Variants in C12orf42 observed in about 807,000 individuals in gnomAD.
C12orf42 encodes the protein uncharacterized protein C12orf42.
Under a neutral mutation model 21.6 loss-of-function variants are expected in C12orf42, and 25 were observed. That is an observed-to-expected ratio of 1.16 (90% confidence interval 0.84 to 1.62). The LOEUF is 1.62. Ranked by LOEUF, C12orf42 falls within the 40% of genes most tolerant of loss-of-function variation. The pLI is 0.00. For synonymous variants in C12orf42, 174 were observed against 175.0 expected (o/e 0.99, Z 0.05); for missense variants, 483 against 459.3 (o/e 1.05, Z -0.47).
intron 4 of C12orf42, among the ~76,000 whole-genome samples, chr12:103,356,993 G>A (rs1226062857): frequency 1.3e-5 from 2 of 151,882 alleles, no homozygotes; most frequent in Non-Finnish European, 2.9e-5. Context: ...CATGTCCTTT[G>A]TAGGGACATG....
At chr12:103,464,009 A>G (rs1448880361) in intron 2 of C12orf42, among the ~76,000 whole-genome samples, 1 of 152,064 alleles carries the variant, frequency 6.6e-6, no homozygotes, top group African/African-American at 2.4e-5. Flanking sequence ...TGTCTTTGCT[A>G]TTGTGAATAG....
At chr12:103,078,251 A>G in the C12orf42 span, among the ~76,000 whole-genome samples, 1 of 152,188 alleles carries the variant, frequency 6.6e-6, no homozygotes, top group East Asian at 1.9e-4. Flanking sequence ...GTTACTGCCC[A>G]TTTTCAAGAT....
intron 10 of C12orf42, among the ~76,000 whole-genome samples, chr12:103,242,902 T>G (rs539915694): frequency 6.6e-6 from 1 of 152,186 alleles, no homozygotes; most frequent in South Asian, 2.1e-4. Context: ...AAATTCCACT[T>G]AAATCCAATT....
chr12:103,153,697 C>T, the C12orf42 span, among the ~76,000 whole-genome samples: 2 of 152,086 alleles, frequency 1.3e-5, no homozygotes, highest in Non-Finnish European at 2.9e-5. Flanking sequence ...AACTCTAATA[C>T]ACTAATGGCA....
chr12:103,227,480 G>T, the C12orf42 span, among the ~76,000 whole-genome samples: 1 of 152,080 alleles, frequency 6.6e-6, no homozygotes, highest in Middle Eastern at 3.2e-3. Flanking sequence ...GAGATAAGAG[G>T]CTGGGGTGTG....
intron 4 of C12orf42, among the ~76,000 whole-genome samples, chr12:103,339,041 C>T (rs1006801174): frequency 1.3e-5 from 2 of 152,200 alleles, no homozygotes; most frequent in Admixed American, 1.3e-4. Context: ...CATGTTTCAT[C>T]ATTTTACTGA....
intron 5 of C12orf42, chr12:103,273,773 A>AGAAAGG: frequency 4.5e-6 from 2 of 445,844 alleles, no homozygotes; most frequent in Non-Finnish European, 9.1e-6. Context: ...AAAGAGAAAG[A>AGAAAGG]GAAGCACTTG....
the C12orf42 span, among the ~76,000 whole-genome samples, chr12:103,121,555 G>A: frequency 1.3e-5 from 2 of 152,244 alleles, no homozygotes; most frequent in South Asian, 4.1e-4. Context: ...ATGCAGAGAA[G>A]AGAGAGAGCT....
At chr12:103,050,942 C>T in the C12orf42 span, among the ~76,000 whole-genome samples, 7 of 152,160 alleles carry the variant, frequency 4.6e-5, no homozygotes, top group Non-Finnish European at 7.3e-5. Flanking sequence ...CCTTACGCAG[C>T]TTTCTTTCCT....
At chr12:103,336,506 C>A (rs1022666873) in intron 4 of C12orf42, among the ~76,000 whole-genome samples, 2 of 152,142 alleles carry the variant, frequency 1.3e-5, no homozygotes, top group African/African-American at 2.4e-5. Flanking sequence ...AAAAATAATT[C>A]CTATTTTGCA....
the C12orf42 span, among the ~76,000 whole-genome samples, chr12:103,113,845 T>C: frequency 8.6e-4 from 131 of 152,350 alleles, no homozygotes; most frequent in East Asian, 3.1e-3. Flanking sequence ...TTGTGAACAG[T>C]TACCTAGGAT....
the C12orf42 span, among the ~76,000 whole-genome samples, chr12:103,511,243 A>AATGCT: frequency 6.6e-6 from 1 of 152,176 alleles, no homozygotes; most frequent in Admixed American, 6.5e-5. Context: ...GTGATTAAAA[A>AATGCT]ATGCTAGTCT....
chr12:103,304,876 T>C (rs533460458), intron 5 of C12orf42, among the ~76,000 whole-genome samples: 4 of 152,312 alleles, frequency 2.6e-5, no homozygotes, highest in African/African-American at 7.2e-5. Context: ...CATTCTCTTC[T>C]AGTTCAAAGA....
At position 103,404,924 on chromosome 12, in the gene C12orf42, G is replaced by A. The variant is rs187989628; in HGVS notation, c.79-3249C>T. On this transcript the variant is annotated intron_variant, in intron 2 of 5. Transcript: ENST00000548883. ...CACACACACGCAAGTGCACACGCAC[G>A]CATTTATACACTTGAACCACCTAAT... is the stretch of plus-strand genomic sequence containing the variant. 9.1e-4 allele frequency among the ~76,000 whole-genome samples: 139 copies of A among 152,304 alleles called. 1 individual carries two copies. In the East Asian group the frequency reaches 9.6e-3, roughly 11 times the overall value.
the C12orf42 span, chr12:103,558,584 G>A: frequency 6.6e-6 from 1 of 152,134 alleles, no homozygotes; most frequent in Non-Finnish European, 1.5e-5. Flanking sequence ...TACCCCAAAT[G>A]TCATTCTCTA....
chr12:103,200,849 C>A, the C12orf42 span, among the ~76,000 whole-genome samples: 3 of 152,264 alleles, frequency 2.0e-5, no homozygotes, highest in African/African-American at 7.2e-5. Context: ...TCAAACACAT[C>A]TTTATTCATC....
At chr12:103,162,808 C>T in the C12orf42 span, 1 of 152,186 alleles carries the variant, frequency 6.6e-6, no homozygotes, top group Admixed American at 6.5e-5. Flanking sequence ...CTGAATGAAT[C>T]AGCCTGCAGG....
chr12:103,076,761 T>G, the C12orf42 span, among the ~76,000 whole-genome samples: 91 of 152,358 alleles, frequency 6.0e-4, 1 homozygote, highest in African/African-American at 2.1e-3. Context: ...CTAGATTGTT[T>G]GCTAAGTGCT....
intron 1 of C12orf42, among the ~76,000 whole-genome samples, chr12:103,495,060 G>C (rs546619876): frequency 1.9e-3 from 294 of 152,270 alleles, no homozygotes; most frequent in Non-Finnish European, 3.9e-3. Flanking sequence ...GTAGGGACAG[G>C]GTGGGGGCGG....
Sources: gnomAD v4.1 joint callset for allele counts (sites outside exome capture counted in the v4.1 genomes callset) on GRCh38, gnomAD v4.1.1 for gene constraint, MANE v1.5 for transcripts, NCBI Gene and HGNC (gene_info 2026-07-23, HGNC 2026-07-21) for gene names.